The following MAGI3 variants were observed in gnomAD, a reference collection of about 807,000 sequenced individuals.
MAGI3 encodes membrane associated guanylate kinase, WW and PDZ domain containing 3.
Under a neutral mutation model 121.8 loss-of-function variants are expected in MAGI3, and 43 were observed. That is an observed-to-expected ratio of 0.35 (90% CI 0.28 to 0.46). The LOEUF (loss-of-function observed/expected upper bound fraction) is 0.46. Ranked by LOEUF, MAGI3 falls within the 20% of genes least tolerant of loss-of-function variation. The pLI is 1.00. For synonymous variants in MAGI3, 553 were observed against 639.3 expected, an observed-to-expected ratio of 0.86 and a Z score of 2.04; for missense variants, 1,547 against 1,797.3, an observed-to-expected ratio of 0.86 and a Z score of 2.52.
At chr1:113,530,845 G>A (rs1400691929) in intron 1 of MAGI3, among the ~76,000 whole-genome samples, 3 of 152,148 alleles carry the variant, frequency 2.0e-5, no homozygotes, top group Admixed American at 1.3e-4. Flanking sequence ...GAGCCTAGGG[G>A]GTCGAGGCTG....
intron 6 of MAGI3, among the ~76,000 whole-genome samples, chr1:113,613,052 A>G (rs975938485): frequency 2.0e-5 from 3 of 152,194 alleles, no homozygotes; most frequent in South Asian, 2.1e-4. Context: ...TGGAAGATCC[A>G]TAACTGTTAT....
intron 9 of MAGI3, among the ~76,000 whole-genome samples, chr1:113,637,239 G>A (rs1570976989): frequency 1.3e-5 from 2 of 152,108 alleles, no homozygotes; most frequent in African/African-American, 4.8e-5. Context: ...ATTTAAAGTT[G>A]ATATTATTAT....
At position 113,488,930 on chromosome 1, in the gene MAGI3, G is replaced by T. The variant is rs577049725; in HGVS notation, c.317-60585G>T. Reference sequence around the variant, plus strand: ...AACACCATTTCTAGCATGACTGTGCGCACAGTCACCAGCAGGGGCCCCCTG... The same window carrying T: ...AACACCATTTCTAGCATGACTGTGCTCACAGTCACCAGCAGGGGCCCCCTG... On this transcript the variant is annotated intron_variant, in intron 1 of 20. Coordinates refer to ENST00000307546, the MANE Select transcript of MAGI3 (RefSeq NM_001142782.2). 1.9e-4 allele frequency among the ~76,000 whole-genome samples: 29 copies of T among 152,144 alleles called. No homozygotes were observed. The South Asian group carries it at 5.6e-3, about 29-fold the overall frequency.
intron 13 of MAGI3, among the ~76,000 whole-genome samples, chr1:113,649,971 G>A (rs1435271619): frequency 6.6e-6 from 1 of 151,986 alleles, no homozygotes; most frequent in Non-Finnish European, 1.5e-5. Context: ...TCTAAGTTTT[G>A]CTCTTGGTTT....
At chr1:113,396,892 G>A (rs1362790881) in intron 1 of MAGI3, among the ~76,000 whole-genome samples, 1 of 152,066 alleles carries the variant, frequency 6.6e-6, no homozygotes, top group African/African-American at 2.4e-5. Flanking sequence ...AAACTCTTTA[G>A]GTAGGTCTTA....
intron 1 of MAGI3, among the ~76,000 whole-genome samples, chr1:113,476,506 T>A (rs757507678): frequency 6.6e-6 from 1 of 152,244 alleles, no homozygotes; most frequent in Non-Finnish European, 1.5e-5. Context: ...GAGCAAGTTG[T>A]TCAGTTTCCA....
At chr1:113,489,230 A>G (rs181007963) in intron 1 of MAGI3, among the ~76,000 whole-genome samples, 4 of 151,866 alleles carry the variant, frequency 2.6e-5, no homozygotes, top group African/African-American at 7.2e-5. Flanking sequence ...CAAAGAGCCA[A>G]TGCAAGTCCG....
intron 19 of MAGI3, among the ~76,000 whole-genome samples, chr1:113,679,281 G>A (rs1360108198): frequency 6.6e-6 from 1 of 151,938 alleles, no homozygotes; most frequent in African/African-American, 2.4e-5. Context: ...GTATTCCCGT[G>A]TCTGTTGTTC....
intron 19 of MAGI3, 77 bp from the exon 20 acceptor site, chr1:113,681,121 G>C: frequency 6.5e-7 from 1 of 1,530,910 alleles, no homozygotes; most frequent in Admixed American, 2.0e-5. Context: ...AAGGTTGAAT[G>C]GCTCAAGAGC....
chr1:113,623,778 C>T (rs12044732), intron 9 of MAGI3, among the ~76,000 whole-genome samples: 12 of 151,984 alleles, frequency 7.9e-5, no homozygotes, highest in Non-Finnish European at 1.5e-4. Context: ...TGAGCCACAC[C>T]GCACCCGGCC....
chr1:113,488,205 T>C (rs1030308507), intron 1 of MAGI3, among the ~76,000 whole-genome samples: 5 of 152,254 alleles, frequency 3.3e-5, no homozygotes, highest in African/African-American at 4.8e-5. Flanking sequence ...ATTCTGTATA[T>C]GCTCAGAGAA....
intron 17 of MAGI3, among the ~76,000 whole-genome samples, chr1:113,672,070 A>G (rs1026292000): frequency 1.3e-5 from 2 of 152,050 alleles, no homozygotes; most frequent in Non-Finnish European, 2.9e-5. Flanking sequence ...TAATTATCCA[A>G]TCTTGCCTGA....
rs187937247 is a variant in MAGI3, at chr1:113,448,674, T to A, written c.316+57325T>A. The stretch of plus-strand genomic sequence containing the variant: ...TTATGATCTAAATGCCTTTTTTTTT[T>A]AAGAGATGGGATCTCACCATGTTGC... On this transcript the variant is annotated intron_variant, in intron 1 of 20. Coordinates refer to ENST00000307546, the MANE Select transcript of MAGI3 (RefSeq NM_001142782.2). 2.3e-3 allele frequency among the ~76,000 whole-genome samples: 351 copies of A among 152,098 alleles called. 2 individuals are homozygous for A. Among genetic ancestry groups the A allele is most frequent in the African/African-American group, 8.1e-3 (337 of 41,476 alleles).
chr1:113,432,843 G>A (rs1653375977), intron 1 of MAGI3, among the ~76,000 whole-genome samples: 1 of 151,992 alleles, frequency 6.6e-6, no homozygotes, highest in African/African-American at 2.4e-5. Context: ...TAAGGTATAA[G>A]TTTCTGTTGC....
intron 2 of MAGI3, among the ~76,000 whole-genome samples, chr1:113,561,234 G>A (rs1291275852): frequency 6.6e-6 from 1 of 152,152 alleles, no homozygotes; most frequent in African/African-American, 2.4e-5. Flanking sequence ...CCAAACAATT[G>A]AAAAGGAGGG....
intron 11 of MAGI3, 145 bp from the exon 12 acceptor site, chr1:113,646,341 C>T: frequency 1.7e-6 from 1 of 577,762 alleles, no homozygotes; most frequent in East Asian, 2.9e-5. Context: ...AAATGAATTC[C>T]TGTAACTGTA....
intron 1 of MAGI3, among the ~76,000 whole-genome samples, chr1:113,459,830 C>T (rs1302530999): frequency 2.6e-5 from 4 of 152,186 alleles, no homozygotes; most frequent in Admixed American, 1.3e-4. Flanking sequence ...CAGCCAGATT[C>T]TACCAGATGT....
At chr1:113,528,611 T>C (rs1283553937) in intron 1 of MAGI3, among the ~76,000 whole-genome samples, 1 of 152,184 alleles carries the variant, frequency 6.6e-6, no homozygotes, top group African/African-American at 2.4e-5. Flanking sequence ...GGGAATAATT[T>C]CATACTAAAT....
At position 113,599,521 on chromosome 1, in the gene MAGI3, G is replaced by A. The variant is rs1023289049; in HGVS notation, c.1018+4961G>A. Among the ~76,000 whole-genome samples the A allele has an allele frequency of 9.0e-3, 1,367 of 152,208 alleles. 10 individuals are homozygous for A. The highest frequency in any genetic ancestry group is 0.014 in the Non-Finnish European group (937 of 68,016). The stretch of plus-strand genomic sequence containing the variant: ...ATACACCCTCCCAAGACTAAACCAG[G>A]AAGAAGTTGAATCTCTGAGTAGACC... On this transcript the variant is annotated intron_variant, in intron 6 of 20. Transcript: ENST00000307546.
Sources: gnomAD v4.1 joint callset for allele counts (sites outside exome capture counted in the v4.1 genomes callset) on GRCh38, gnomAD v4.1.1 for gene constraint, MANE v1.5 for transcripts, NCBI Gene and HGNC (gene_info 2026-07-23, HGNC 2026-07-21) for gene names.